The following SPTBN1 variants were observed in gnomAD, a reference collection of about 807,000 sequenced individuals.
SPTBN1 encodes spectrin beta chain, non-erythrocytic 1.
A neutral mutation model predicts 266.4 loss-of-function variants in SPTBN1; 32 were observed. The observed-to-expected ratio is 0.12, with a 90% confidence interval of 0.09 to 0.16. The LOEUF (loss-of-function observed/expected upper bound fraction) is 0.16. SPTBN1 is among the 10% of genes least tolerant of loss of function. SPTBN1 has a pLI of 1.00. For missense variants in SPTBN1, 2,296 were observed against 3,067.1 expected (o/e 0.75, Z 5.94); for synonymous variants, 1,336 against 1,162.2 (o/e 1.15, Z -3.04).
At chr2:54,545,319 AG>A (rs1672178141) in intron 2 of SPTBN1, 1 of 152,214 alleles carries the variant, frequency 6.6e-6, no homozygotes, top group South Asian at 2.1e-4. Flanking sequence ...AGTGTAAATT[AG>A]TTCAACCATT....
intron 7 of SPTBN1, among the ~76,000 whole-genome samples, chr2:54,619,212 C>T (rs1677833985): frequency 6.6e-6 from 1 of 152,180 alleles, no homozygotes; most frequent in African/African-American, 2.4e-5. Context: ...TGCTATTTTC[C>T]AATGCATCAG....
At chr2:54,515,090 T>A (rs1302449385) in intron 1 of SPTBN1, among the ~76,000 whole-genome samples, 1 of 152,182 alleles carries the variant, frequency 6.6e-6, no homozygotes, top group African/African-American at 2.4e-5. Context: ...TTGCAGACCC[T>A]GTCCTCGATG....
At chr2:54,462,478 A>G (rs1347577876) in intron 1 of SPTBN1, among the ~76,000 whole-genome samples, 1 of 152,206 alleles carries the variant, frequency 6.6e-6, no homozygotes, top group Non-Finnish European at 1.5e-5. Flanking sequence ...TTGACCATTA[A>G]GCATTTATAG....
At chr2:54,607,002 A>G (rs1383774214) in intron 3 of SPTBN1, among the ~76,000 whole-genome samples, 2 of 152,246 alleles carry the variant, frequency 1.3e-5, no homozygotes, top group Non-Finnish European at 2.9e-5. Flanking sequence ...ACAAATAGCA[A>G]ATTCTAGCAT....
chr2:54,493,710 A>C lies in SPTBN1; in HGVS notation c.-47-32662A>C, dbSNP rs911581339. ...AGCCACCACACCTGGCCTTATTTTT[A>C]TGTGTTCTGAATTTAGGTTAAAATT... On this transcript the variant is annotated intron_variant, in intron 1 of 35. Coordinates refer to ENST00000356805, the MANE Select transcript of SPTBN1 (RefSeq NM_003128.3). Among the ~76,000 whole-genome samples the C allele has an allele frequency of 7.2e-5, 11 of 152,128 alleles. No homozygotes were observed. The East Asian group carries it at 7.7e-4, about 11-fold the overall frequency.
At chr2:54,481,280 T>C (rs1281668686) in intron 1 of SPTBN1, among the ~76,000 whole-genome samples, 1 of 152,112 alleles carries the variant, frequency 6.6e-6, no homozygotes, top group Admixed American at 6.5e-5. Flanking sequence ...GCCCAGAAAG[T>C]GCTGGTGAGC....
chr2:54,640,084 A>G (rs1679425406), intron 18 of SPTBN1, among the ~76,000 whole-genome samples: 1 of 152,136 alleles, frequency 6.6e-6, no homozygotes, highest in Non-Finnish European at 1.5e-5. Flanking sequence ...AACACTTGGT[A>G]TAGTACTATA....
intron 2 of SPTBN1, among the ~76,000 whole-genome samples, chr2:54,559,663 C>G (rs561810079): frequency 1.8e-4 from 28 of 152,308 alleles, no homozygotes; most frequent in African/African-American, 6.5e-4. Flanking sequence ...AGCCAGCAGG[C>G]CCTGGCCAGC....
At chr2:54,583,844 C>T (rs764177403) in intron 2 of SPTBN1, among the ~76,000 whole-genome samples, 1 of 152,068 alleles carries the variant, frequency 6.6e-6, no homozygotes, top group Admixed American at 6.5e-5. Flanking sequence ...CTCATCAGTC[C>T]CAGACCCATC....
At chr2:54,501,828 G>A (rs1433524172) in intron 1 of SPTBN1, among the ~76,000 whole-genome samples, 1 of 152,210 alleles carries the variant, frequency 6.6e-6, no homozygotes, top group African/African-American at 2.4e-5. Context: ...GTGGGGGACT[G>A]GGGAGTTGTG....
At chr2:54,590,301 G>A (rs912682823) in intron 2 of SPTBN1, among the ~76,000 whole-genome samples, 6 of 152,114 alleles carry the variant, frequency 3.9e-5, no homozygotes, top group African/African-American at 9.7e-5. Context: ...ACTGCCTAGG[G>A]CCTGTCTTTG....
At chr2:54,632,077 T>TAAAA (rs34563622) in intron 16 of SPTBN1, among the ~76,000 whole-genome samples, 2 of 120,830 alleles carry the variant, frequency 1.7e-5, no homozygotes, top group African/African-American at 3.2e-5. Flanking sequence ...CCCTGTCTCT[T>TAAAA]AAAAAAAAAA....
At chr2:54,635,112 T>C (rs1385084410) in intron 17 of SPTBN1, among the ~76,000 whole-genome samples, 2 of 152,170 alleles carry the variant, frequency 1.3e-5, no homozygotes, top group East Asian at 3.8e-4. Flanking sequence ...CTTCATGTGA[T>C]GAGGGAGCTT....
chr2:54,644,296 T>G, intron 19 of SPTBN1, 27 bp from the exon 20 acceptor site: 1 of 1,591,426 alleles, frequency 6.3e-7, no homozygotes, highest in Non-Finnish European at 8.6e-7. Context: ...CTTGTTTATT[T>G]ACAACCATGT....
At chr2:54,471,563 C>T (rs1257801885) in intron 1 of SPTBN1, among the ~76,000 whole-genome samples, 1 of 151,058 alleles carries the variant, frequency 6.6e-6, no homozygotes, top group African/African-American at 2.4e-5. Context: ...CAACATCTTA[C>T]TTGGTTGTCT....
At chr2:54,547,379 GT>G (rs374567783) in intron 2 of SPTBN1, among the ~76,000 whole-genome samples, 1 of 152,262 alleles carries the variant, frequency 6.6e-6, no homozygotes, top group African/African-American at 2.4e-5. Context: ...GGACATTAGA[GT>G]TTTCACCTCT....
intron 9 of SPTBN1, among the ~76,000 whole-genome samples, chr2:54,623,058 G>A (rs893844845): frequency 6.6e-6 from 1 of 152,050 alleles, no homozygotes; most frequent in South Asian, 2.1e-4. Context: ...GCTTACCATA[G>A]TTCCAAAGTC....
chr2:54,495,679 T>TTTTTTTTTTTTTTTTTTTTTTTTATACTC (rs1279259203), intron 1 of SPTBN1, among the ~76,000 whole-genome samples: 2 of 142,990 alleles, frequency 1.4e-5, no homozygotes, highest in Non-Finnish European at 3.1e-5. Flanking sequence ...GCATGTGTTT[T>TTTTTTTTTTTTTTTTTTTTTTTTATACTC]TACCTTTATT....
At chr2:54,563,193 C>T (rs1673435707) in intron 2 of SPTBN1, among the ~76,000 whole-genome samples, 1 of 152,092 alleles carries the variant, frequency 6.6e-6, no homozygotes, top group Non-Finnish European at 1.5e-5. Context: ...AAATGCCCAC[C>T]CTAACCTGGT....
Sources: allele counts gnomAD v4.1 joint callset (sites outside exome capture counted in the v4.1 genomes callset), GRCh38; gene constraint gnomAD v4.1.1; transcripts MANE v1.5; gene names NCBI Gene and HGNC (gene_info 2026-07-23, HGNC 2026-07-21).